WDPCP: variants seen among roughly 807,000 people sequenced by gnomAD.
WDPCP encodes WD repeat containing planar cell polarity effector.
In WDPCP, 71 loss-of-function variants were observed where a neutral mutation model predicts 93.1. The observed-to-expected ratio is 0.76, with a 90% CI of 0.63 to 0.93. WDPCP has a LOEUF of 0.93. Among genes scored for constraint, WDPCP ranks in the 40% least tolerant of loss-of-function variants. The pLI is 0.00. For missense variants in WDPCP, 844 were observed against 887.4 expected (o/e 0.95, Z 0.62); for synonymous variants, 315 against 315.0 (o/e 1.00, Z 0.00).
intron 14 of WDPCP, among the ~76,000 whole-genome samples, chr2:63,196,532 A>T (rs554156543): frequency 6.6e-6 from 1 of 152,336 alleles, no homozygotes; most frequent in South Asian, 2.1e-4. Flanking sequence ...GACAACTTAA[A>T]GCAAAAGGAA....
chr2:63,310,377 T>C (rs1686089516), intron 13 of WDPCP, among the ~76,000 whole-genome samples: 1 of 152,186 alleles, frequency 6.6e-6, no homozygotes, highest in Non-Finnish European at 1.5e-5. Context: ...CCTCTTTGTT[T>C]ACTTCACACT....
At chr2:63,602,934 C>CTTTTGTTTTTTT (rs1709452776) in intron 3 of WDPCP, among the ~76,000 whole-genome samples, 10 of 131,620 alleles carry the variant, frequency 7.6e-5, no homozygotes, top group Non-Finnish European at 1.3e-4. Flanking sequence ...TTTAACCGTT[C>CTTTTGTTTTTTT]TTTTTTTTTT....
At chr2:63,729,428 T>C (rs1669530282) in intron 2 of WDPCP, among the ~76,000 whole-genome samples, 1 of 152,120 alleles carries the variant, frequency 6.6e-6, no homozygotes, top group Non-Finnish European at 1.5e-5. Flanking sequence ...TAGGTGGTGG[T>C]GGGGGTTGCA....
At chr2:63,685,955 G>A (rs1668800283) in intron 2 of WDPCP, among the ~76,000 whole-genome samples, 2 of 152,100 alleles carry the variant, frequency 1.3e-5, no homozygotes, top group African/African-American at 4.8e-5. Context: ...AGAAACATAT[G>A]TCAACACAAT....
At chr2:63,362,655 A>G (rs983560478) in intron 12 of WDPCP, among the ~76,000 whole-genome samples, 6 of 152,018 alleles carry the variant, frequency 3.9e-5, no homozygotes, top group African/African-American at 1.4e-4. Context: ...TTTTGCTTCT[A>G]TAAATTAAAT....
At chr2:63,332,902 G>A (rs1296020884) in intron 12 of WDPCP, among the ~76,000 whole-genome samples, 1 of 151,906 alleles carries the variant, frequency 6.6e-6, no homozygotes, top group African/African-American at 2.4e-5. Flanking sequence ...AACCACACTC[G>A]ACCTATTTTT....
At chr2:63,231,634 G>A (rs1256504534) in intron 14 of WDPCP, among the ~76,000 whole-genome samples, 1 of 152,098 alleles carries the variant, frequency 6.6e-6, no homozygotes, top group East Asian at 1.9e-4. Flanking sequence ...GGATGTGAAG[G>A]ACCTCTTCAA....
At chr2:63,800,815 G>C (rs1360339154) in intron 2 of WDPCP, among the ~76,000 whole-genome samples, 3 of 152,138 alleles carry the variant, frequency 2.0e-5, no homozygotes, top group Non-Finnish European at 4.4e-5. Flanking sequence ...CACTTTGGGA[G>C]GGCTGAGGTG....
chr2:63,255,785 G>A lies in WDPCP; in HGVS notation c.1915+3522C>T, dbSNP rs140404887. On this transcript the variant is annotated intron_variant, in intron 14 of 17. Transcript: ENST00000272321. ...AACACATTTCCAGACGACATGATGT[G>A]GATGCAGAAAATTCAAAAGAATTTA... Among the ~76,000 whole-genome samples, 772 of 152,154 alleles carry A rather than the reference G, an allele frequency of 5.1e-3. 22 individuals carry two copies. Among genetic ancestry groups the A allele is most frequent in the East Asian group, 0.028 (144 of 5,188 alleles).
At chr2:63,530,976 G>C (rs943572726) in intron 1 of WDPCP, among the ~76,000 whole-genome samples, 2 of 152,204 alleles carry the variant, frequency 1.3e-5, no homozygotes, top group Non-Finnish European at 2.9e-5. Context: ...GGGAAATCGG[G>C]ACACTCCCGC....
intron 17 of WDPCP, among the ~76,000 whole-genome samples, chr2:63,139,655 T>G (rs1165804883): frequency 6.6e-6 from 1 of 152,228 alleles, no homozygotes; most frequent in African/African-American, 2.4e-5. Context: ...TAGCCCACTT[T>G]TTTATGGGAT....
At chr2:63,711,039 C>T (rs769829072) in intron 2 of WDPCP, among the ~76,000 whole-genome samples, 42 of 152,112 alleles carry the variant, frequency 2.8e-4, no homozygotes, top group Non-Finnish European at 5.1e-4. Flanking sequence ...TGATAAGAAA[C>T]GCCAGGTAAA....
chr2:63,711,214 C>A (rs952758326), intron 2 of WDPCP, among the ~76,000 whole-genome samples: 17 of 152,126 alleles, frequency 1.1e-4, no homozygotes, highest in South Asian at 1.0e-3. Context: ...AACATGACAG[C>A]AGAGCTCTCC....
In WDPCP at chr2:63,371,938, T is replaced by A. The variant is rs73937803; in HGVS notation, c.1748+6448A>T. Among the ~76,000 whole-genome samples the A allele has an allele frequency of 7.8e-3, 1,193 of 152,310 alleles. 14 individuals are homozygous for A. Among genetic ancestry groups the A allele is most frequent in the African/African-American group, 0.027 (1,117 of 41,568 alleles). On this transcript the variant is annotated intron_variant, in intron 12 of 17. Coordinates refer to ENST00000272321, the MANE Select transcript of WDPCP (RefSeq NM_015910.7). ...TTATGTATTTTACCCACTTATTTAT[T>A]GTATTAGGCCATTCTTGCATTGCTA...
At chr2:63,311,522 C>T (rs1686189173) in intron 13 of WDPCP, among the ~76,000 whole-genome samples, 1 of 152,082 alleles carries the variant, frequency 6.6e-6, no homozygotes, top group Non-Finnish European at 1.5e-5. Context: ...TGAAGAGTAA[C>T]AATGCAGCAT....
chr2:63,126,644 A>G (rs971657580), intron 17 of WDPCP, among the ~76,000 whole-genome samples: 2 of 149,748 alleles, frequency 1.3e-5, no homozygotes, highest in Admixed American at 6.7e-5. Context: ...TCAACATCAC[A>G]TAACTGTGCA....
At chr2:63,724,110 A>G (rs925513869) in intron 2 of WDPCP, among the ~76,000 whole-genome samples, 9 of 152,250 alleles carry the variant, frequency 5.9e-5, no homozygotes, top group African/African-American at 2.2e-4. Flanking sequence ...CAAAACATGC[A>G]GAATGCTGAG....
chr2:63,835,920 C>T, the WDPCP span, among the ~76,000 whole-genome samples: 4 of 152,066 alleles, frequency 2.6e-5, no homozygotes, highest in Non-Finnish European at 4.4e-5. Context: ...AGTGGCGTGA[C>T]CTCAGCTCAC....
intron 2 of WDPCP, among the ~76,000 whole-genome samples, chr2:63,791,901 A>C (rs1254463970): frequency 6.6e-6 from 1 of 152,222 alleles, no homozygotes; most frequent in East Asian, 1.9e-4. Flanking sequence ...GAGATAAATA[A>C]TATAAAGCAT....
Sources: allele counts gnomAD v4.1 joint callset (sites outside exome capture counted in the v4.1 genomes callset), GRCh38; gene constraint gnomAD v4.1.1; transcripts MANE v1.5; gene names NCBI Gene and HGNC (gene_info 2026-07-23, HGNC 2026-07-21).